HRH1: variants seen among roughly 807,000 people sequenced by gnomAD.
HRH1 encodes the protein histamine receptor H1.
A neutral mutation model predicts 10.3 loss-of-function variants in HRH1; 6 were observed. That is an observed-to-expected ratio of 0.58 (90% CI 0.32 to 1.15). The LOEUF (loss-of-function observed/expected upper bound fraction) is 1.15. Ranked by LOEUF, HRH1 falls within the 50% of genes most tolerant of loss-of-function variation. HRH1 has a pLI of 0.05. For synonymous variants in HRH1, 242 were observed against 236.7 expected (o/e 1.02, Z -0.21); for missense variants, 514 against 615.3 (o/e 0.84, Z 1.74).
chr3:11,231,891 G>A (rs937245782), intron 1 of HRH1, among the ~76,000 whole-genome samples: 2 of 151,666 alleles, frequency 1.3e-5, no homozygotes, highest in African/African-American at 4.8e-5. Flanking sequence ...GTCTAATAAC[G>A]TTTTGCTTAG....
intron 1 of HRH1, among the ~76,000 whole-genome samples, chr3:11,188,733 G>T (rs1410788656): frequency 6.6e-6 from 1 of 152,142 alleles, no homozygotes; most frequent in Non-Finnish European, 1.5e-5. Flanking sequence ...TAAAAGTCAC[G>T]TTCTTGAAAA....
chr3:11,182,949 TAA>T (rs750072737), intron 1 of HRH1, among the ~76,000 whole-genome samples: 1 of 152,206 alleles, frequency 6.6e-6, no homozygotes. Flanking sequence ...GGGACCCCTA[TAA>T]AGCACTTTTC....
At chr3:11,250,667 T>A (rs1939624224) in intron 1 of HRH1, among the ~76,000 whole-genome samples, 1 of 152,174 alleles carries the variant, frequency 6.6e-6, no homozygotes, top group African/African-American at 2.4e-5. Context: ...GATCTTTTGT[T>A]TCGAATGTGG....
At chr3:11,143,413 G>A (rs556621430) in intron 1 of HRH1, among the ~76,000 whole-genome samples, 1 of 152,324 alleles carries the variant, frequency 6.6e-6, no homozygotes, top group Non-Finnish European at 1.5e-5. Flanking sequence ...GTATTACTGG[G>A]ACAGTTCACC....
In HRH1 at chr3:11,146,197, C is replaced by T. The variant is rs147426575; in HGVS notation, c.-36+8798C>T. ...CGTATGAGTTCCAGTGGTTCCACAT[C>T]CTGTCCTACTTGACAACTTGATGTT... On this transcript the variant is annotated intron_variant, in intron 1 of 1. Coordinates refer to the HRH1 transcript ENST00000438284. Among the ~76,000 whole-genome samples the T allele has an allele frequency of 5.3e-3, 806 of 152,280 alleles. 5 individuals carry two copies. Among genetic ancestry groups the T allele is most frequent in the Non-Finnish European group, 8.2e-3 (556 of 68,020 alleles).
chr3:11,150,475 G>C (rs1478100865), upstream of HRH1, among the ~76,000 whole-genome samples: 1 of 152,284 alleles, frequency 6.6e-6, no homozygotes, highest in Admixed American at 6.5e-5. Flanking sequence ...TGGGTGGGGA[G>C]CTGGACCGGG....
At chr3:11,158,730 A>T (rs1936868278) in intron 1 of HRH1, among the ~76,000 whole-genome samples, 1 of 152,128 alleles carries the variant, frequency 6.6e-6, no homozygotes, top group South Asian at 2.1e-4. Flanking sequence ...TCTGTTGGTT[A>T]CTTGTTGGAG....
At chr3:11,224,982 A>G (rs1169914172) in intron 1 of HRH1, among the ~76,000 whole-genome samples, 2 of 152,182 alleles carry the variant, frequency 1.3e-5, no homozygotes, top group Non-Finnish European at 2.9e-5. Flanking sequence ...CTACCCAGGC[A>G]GGGAGAAGAG....
At chr3:11,205,701 GC>G (rs1471188488) in intron 1 of HRH1, among the ~76,000 whole-genome samples, 2 of 147,002 alleles carry the variant, frequency 1.4e-5, no homozygotes, top group Non-Finnish European at 3.0e-5. Context: ...TCGTTCTGTT[GC>G]CCAGGCTGGA....
chr3:11,234,075 AT>A (rs1248965240), intron 1 of HRH1, among the ~76,000 whole-genome samples: 1 of 151,810 alleles, frequency 6.6e-6, no homozygotes, highest in African/African-American at 2.4e-5. Context: ...TACAACTCCC[AT>A]TTTTTTTCAG....
intron 1 of HRH1, among the ~76,000 whole-genome samples, chr3:11,146,887 A>T (rs1297687362): frequency 6.6e-6 from 1 of 152,238 alleles, no homozygotes; most frequent in East Asian, 1.9e-4. Context: ...AATGAGACTT[A>T]AGAACAAGGG....
intron 1 of HRH1, among the ~76,000 whole-genome samples, chr3:11,225,401 G>A (rs1366772039): frequency 6.6e-6 from 1 of 152,194 alleles, no homozygotes; most frequent in Non-Finnish European, 1.5e-5. Context: ...AGATATGTAG[G>A]CCTAGTCAGG....
At chr3:11,220,427 G>A (rs1238799982) in intron 1 of HRH1, among the ~76,000 whole-genome samples, 1 of 152,200 alleles carries the variant, frequency 6.6e-6, no homozygotes, top group African/African-American at 2.4e-5. Flanking sequence ...TTGTTGGTAT[G>A]CAAGGGGCTT....
chr3:11,220,624 T>A (rs1938679466), intron 1 of HRH1, among the ~76,000 whole-genome samples: 1 of 152,166 alleles, frequency 6.6e-6, no homozygotes, highest in South Asian at 2.1e-4. Context: ...GCAGGGAAGA[T>A]CATGCTGGTT....
intron 1 of HRH1, among the ~76,000 whole-genome samples, chr3:11,198,928 A>ATT (rs1553573175): frequency 7.1e-5 from 10 of 140,360 alleles, no homozygotes; most frequent in Admixed American, 2.8e-4. Flanking sequence ...ACACACACAC[A>ATT]TTTTTTTTTT....
chr3:11,142,013 C>T (rs1405596715), intron 1 of HRH1, among the ~76,000 whole-genome samples: 1 of 152,222 alleles, frequency 6.6e-6, no homozygotes, highest in African/African-American at 2.4e-5. Flanking sequence ...CTTGTCTGAG[C>T]ACCAACTGTA....
rs760821074 is a variant in HRH1, at chr3:11,169,627, G to A, written c.-36+15073G>A. Among the ~76,000 whole-genome samples the A allele has an allele frequency of 2.6e-5, 4 of 152,062 alleles. 1 individual carries two copies. In the East Asian group the frequency reaches 5.8e-4, roughly 22 times the overall value. ...ATGAGGTTTGGGCAGGCTGGGGCCCGGATGTGACTCATTCTAGAAATCCTC... is the reference window on the plus strand; with the variant it reads ...ATGAGGTTTGGGCAGGCTGGGGCCCAGATGTGACTCATTCTAGAAATCCTC... On this transcript the variant is annotated intron_variant, in intron 1 of 1. Coordinates refer to ENST00000431010, the MANE Select transcript of HRH1 (RefSeq NM_001098212.2).
chr3:11,173,760 C>T (rs1434622051), intron 1 of HRH1, among the ~76,000 whole-genome samples: 2 of 152,002 alleles, frequency 1.3e-5, no homozygotes, highest in African/African-American at 4.8e-5. Flanking sequence ...GAGGAATTTC[C>T]TGAGGAATTC....
chr3:11,247,482 C>A (rs1022726962), intron 1 of HRH1, among the ~76,000 whole-genome samples: 1 of 152,066 alleles, frequency 6.6e-6, no homozygotes, highest in African/African-American at 2.4e-5. Context: ...TAAGCTAATT[C>A]GATTGGCTAA....
Sources: gnomAD v4.1 joint callset for allele counts (sites outside exome capture counted in the v4.1 genomes callset) on GRCh38, gnomAD v4.1.1 for gene constraint, MANE v1.5 for transcripts, NCBI Gene and HGNC (gene_info 2026-07-23, HGNC 2026-07-21) for gene names.